The following SCRG1 variants were observed in gnomAD, a reference collection of about 807,000 sequenced individuals.
SCRG1 encodes the protein stimulator of chondrogenesis 1.
A neutral mutation model predicts 7.7 loss-of-function variants in SCRG1; 3 were observed. The ratio of observed to expected loss-of-function variants is 0.39; its 90% CI spans 0.18 to 1.01. SCRG1 has a LOEUF of 1.01. Ranked by LOEUF, SCRG1 falls within the 50% of genes least tolerant of loss-of-function variation. The pLI, the probability that SCRG1 is intolerant of heterozygous loss-of-function variation, is 0.36. For missense variants in SCRG1, 110 were observed against 117.2 expected, an observed-to-expected ratio of 0.94 and a Z score of 0.28; for synonymous variants, 46 against 41.2, an observed-to-expected ratio of 1.12 and a Z score of -0.44.
the SCRG1 span, among the ~76,000 whole-genome samples, chr4:173,434,323 G>C: frequency 3.9e-5 from 6 of 152,084 alleles, no homozygotes; most frequent in Non-Finnish European, 7.4e-5. Flanking sequence ...ATTTCTTTTT[G>C]ATTTAAGGTG....
chr4:173,485,226 T>C, the SCRG1 span, among the ~76,000 whole-genome samples: 1 of 36,938 alleles, frequency 2.7e-5, no homozygotes, highest in African/African-American at 6.8e-5. Flanking sequence ...GGATAAATTT[T>C]TTTTTTAAAA....
the SCRG1 span, among the ~76,000 whole-genome samples, chr4:173,412,355 C>A: frequency 6.6e-6 from 1 of 152,210 alleles, no homozygotes; most frequent in African/African-American, 2.4e-5. Context: ...TATGTTAGAA[C>A]AAGGCCATGA....
chr4:173,475,885 A>G, the SCRG1 span, among the ~76,000 whole-genome samples: 1 of 152,188 alleles, frequency 6.6e-6, no homozygotes, highest in Non-Finnish European at 1.5e-5. Context: ...GAAAGTATCT[A>G]GAATAGTCAA....
chr4:173,462,682 T>C, the SCRG1 span, among the ~76,000 whole-genome samples: 26 of 152,306 alleles, frequency 1.7e-4, no homozygotes, highest in Non-Finnish European at 3.5e-4. Flanking sequence ...AACTGTGGTG[T>C]GTAAGCTACT....
the SCRG1 span, among the ~76,000 whole-genome samples, chr4:173,518,365 C>G: frequency 4.6e-5 from 7 of 152,138 alleles, no homozygotes; most frequent in Non-Finnish European, 4.4e-5. Flanking sequence ...GGCAGGGAAC[C>G]CGGAGCATTT....
At chr4:173,444,571 T>G in the SCRG1 span, among the ~76,000 whole-genome samples, 1 of 152,202 alleles carries the variant, frequency 6.6e-6, no homozygotes, top group Admixed American at 6.5e-5. Flanking sequence ...TTGGTTGTAG[T>G]TTTCTGATTT....
chr4:173,456,432 G>A, the SCRG1 span, among the ~76,000 whole-genome samples: 1 of 152,052 alleles, frequency 6.6e-6, no homozygotes, highest in African/African-American at 2.4e-5. Context: ...AAAATCATAC[G>A]ACACCCCAAG....
the SCRG1 span, among the ~76,000 whole-genome samples, chr4:173,486,658 T>G: frequency 2.0e-5 from 3 of 152,220 alleles, no homozygotes; most frequent in African/African-American, 4.8e-5. Flanking sequence ...CTTCTTCTTC[T>G]TCTTTTCCTT....
chr4:173,490,673 CT>C, the SCRG1 span, among the ~76,000 whole-genome samples: 1 of 152,200 alleles, frequency 6.6e-6, no homozygotes, highest in Non-Finnish European at 1.5e-5. Flanking sequence ...CTGTTTCCCC[CT>C]AGGCTTTAAA....
chr4:173,431,403 A>G, the SCRG1 span, among the ~76,000 whole-genome samples: 2 of 152,206 alleles, frequency 1.3e-5, no homozygotes, highest in African/African-American at 2.4e-5. Context: ...CAAGAACCCA[A>G]TGAAAGTGAA....
chr4:173,445,269 T>G, the SCRG1 span, among the ~76,000 whole-genome samples: 1 of 152,202 alleles, frequency 6.6e-6, no homozygotes, highest in Non-Finnish European at 1.5e-5. Flanking sequence ...TACATTGTTT[T>G]ACCACAGAAA....
chr4:173,391,564 G>T, intron 1 of SCRG1, 136 bp from the exon 2 acceptor site: 1 of 852,342 alleles, frequency 1.2e-6, no homozygotes, highest in Non-Finnish European at 1.8e-6. Flanking sequence ...AATCCTGTTT[G>T]TGTTTCTCAA....
the SCRG1 span, among the ~76,000 whole-genome samples, chr4:173,426,657 C>A: frequency 6.6e-6 from 1 of 152,140 alleles, no homozygotes; most frequent in African/African-American, 2.4e-5. Flanking sequence ...CTTGTGGAGA[C>A]AAGTTCTCAC....
At chr4:173,518,552 G>A in the SCRG1 span, among the ~76,000 whole-genome samples, 1 of 152,046 alleles carries the variant, frequency 6.6e-6, no homozygotes, top group Non-Finnish European at 1.5e-5. Context: ...CTCTCACCTT[G>A]GAGAGGCCTC....
chr4:173,452,583 C>T, the SCRG1 span, among the ~76,000 whole-genome samples: 11 of 152,208 alleles, frequency 7.2e-5, no homozygotes, highest in African/African-American at 2.7e-4. Context: ...GCATCCTTGT[C>T]ACAGTTTGGC....
At chr4:173,444,807 G>A in the SCRG1 span, among the ~76,000 whole-genome samples, 3 of 152,160 alleles carry the variant, frequency 2.0e-5, no homozygotes, top group Non-Finnish European at 2.9e-5. Context: ...ACCTGAGGCA[G>A]ACAACAGGCT....
chr4:173,478,085 G>T, the SCRG1 span, among the ~76,000 whole-genome samples: 1 of 152,062 alleles, frequency 6.6e-6, no homozygotes, highest in African/African-American at 2.4e-5. Context: ...AAAAAACTGG[G>T]CTTGGCTCCC....
chr4:173,484,128 T>TAATATGTAATATAC, the SCRG1 span, among the ~76,000 whole-genome samples: 3 of 80,402 alleles, frequency 3.7e-5, no homozygotes, highest in South Asian at 1.5e-3. Flanking sequence ...ATACAATATA[T>TAATATGTAATATAC]AATATATAAT....
the SCRG1 span, among the ~76,000 whole-genome samples, chr4:173,475,570 C>T: frequency 1.3e-5 from 2 of 152,182 alleles, no homozygotes; most frequent in African/African-American, 4.8e-5. Flanking sequence ...TCCAGCAATT[C>T]CCCTTTTGGG....
Sources: allele counts gnomAD v4.1 joint callset (sites outside exome capture counted in the v4.1 genomes callset), GRCh38; gene constraint gnomAD v4.1.1; transcripts MANE v1.5; gene names NCBI Gene and HGNC (gene_info 2026-07-23, HGNC 2026-07-21).